CCDC178: variants seen among roughly 807,000 people sequenced by gnomAD.
The protein encoded by CCDC178 is coiled-coil domain-containing protein 178.
In CCDC178, 126 loss-of-function variants were observed where a neutral mutation model predicts 117.4. The ratio of observed to expected loss-of-function variants is 1.07; its 90% confidence interval spans 0.93 to 1.24. The LOEUF (loss-of-function observed/expected upper bound fraction) is 1.24. Ranked by LOEUF, CCDC178 falls within the 50% of genes most tolerant of loss-of-function variation. The pLI is 0.00. For missense variants in CCDC178, 1,030 were observed against 986.9 expected (o/e 1.04, Z -0.59); for synonymous variants, 283 against 313.4 (o/e 0.90, Z 1.02).
chr18:33,014,227 G>C (rs190300690), intron 21 of CCDC178, among the ~76,000 whole-genome samples: 1 of 152,244 alleles, frequency 6.6e-6, no homozygotes, highest in East Asian at 1.9e-4. Flanking sequence ...GTCACTATTT[G>C]ATCTGCCCAG....
intron 10 of CCDC178, chr18:33,328,082 GATTTTTTTTTTTTTTTTTTTTTTT>G (rs2062610758): frequency 3.5e-4 from 86 of 249,028 alleles, no homozygotes; most frequent in Middle Eastern, 1.4e-3. Flanking sequence ...TTTATCCCTA[GATTTTTTTTTTTTTTTTTTTTTTT>G]TTTTTTTTTT....
In CCDC178 at chr18:33,168,135, A is replaced by C. The variant is rs2058555663; in HGVS notation, c.2238+43761T>G. Among the ~76,000 whole-genome samples the C allele has an allele frequency of 2.0e-5, 3 of 152,078 alleles. No homozygotes were observed. In the South Asian group the frequency reaches 6.2e-4, roughly 31 times the overall value. ...TGTTTTTGTTGCGATTGCTTGTGGCATCTTTGTTATGACATCTTTGCCAGG... is the reference window on the plus strand; with the variant it reads ...TGTTTTTGTTGCGATTGCTTGTGGCCTCTTTGTTATGACATCTTTGCCAGG... On this transcript the variant is annotated intron_variant, in intron 20 of 22. Coordinates refer to ENST00000383096, the MANE Select transcript of CCDC178 (RefSeq NM_001105528.4).
rs191199332 is a variant in CCDC178, at chr18:33,365,455, C to T, written c.348+4595G>A. On this transcript the variant is annotated intron_variant, in intron 6 of 22. Transcript: ENST00000383096. ...TGGCTCTGCCACTGACATTAGATCT[C>T]GGGAGAAATCAGCCTCTGAAATCAT... 3.2e-4 allele frequency among the ~76,000 whole-genome samples: 48 copies of T among 152,046 alleles called. 1 individual carries two copies. The East Asian group carries it at 6.0e-3, about 19-fold the overall frequency.
At chr18:33,261,666 C>A (rs2059752607) in intron 14 of CCDC178, among the ~76,000 whole-genome samples, 1 of 152,228 alleles carries the variant, frequency 6.6e-6, no homozygotes, top group African/African-American at 2.4e-5. Flanking sequence ...ATCTTTTTCA[C>A]ATTTAAATAT....
At chr18:33,273,487 A>AAGAG (rs1319255428) in intron 12 of CCDC178, among the ~76,000 whole-genome samples, 4 of 151,688 alleles carry the variant, frequency 2.6e-5, no homozygotes, top group African/African-American at 9.7e-5. Context: ...TCCAGTAATC[A>AAGAG]AGACATTGTA....
intron 10 of CCDC178, among the ~76,000 whole-genome samples, chr18:33,326,274 G>C (rs2062583050): frequency 6.6e-6 from 1 of 152,156 alleles, no homozygotes; most frequent in South Asian, 2.1e-4. Flanking sequence ...AGTACAGGGG[G>C]TGTCCCTACT....
chr18:32,946,723 G>GTT (rs34352899), intron 22 of CCDC178, among the ~76,000 whole-genome samples: 6,734 of 136,974 alleles, frequency 0.049, 209 homozygotes, highest in Middle Eastern at 0.08. Context: ...GGTTTTTTGG[G>GTT]TTTTTTTTTT....
intron 21 of CCDC178, among the ~76,000 whole-genome samples, chr18:33,089,515 G>A (rs1189176549): frequency 6.6e-6 from 1 of 152,156 alleles, no homozygotes; most frequent in Non-Finnish European, 1.5e-5. Flanking sequence ...CGTGTTGGCT[G>A]ACTCTGTAAT....
chr18:32,976,304 C>T (rs1333116395), intron 21 of CCDC178, among the ~76,000 whole-genome samples: 1 of 151,992 alleles, frequency 6.6e-6, no homozygotes, highest in East Asian at 1.9e-4. Context: ...CTCATTAAGA[C>T]ATTTGAAAAG....
chr18:33,341,590 T>C lies in CCDC178; in HGVS notation c.658+4621A>G, dbSNP rs1192248055. 4.6e-5 allele frequency among the ~76,000 whole-genome samples: 7 copies of C among 152,282 alleles called. No individual in the cohort carries two copies. The East Asian group carries it at 1.4e-3, about 29-fold the overall frequency. Reference sequence around the variant, plus strand: ...CCCAAGGGGAGGTAATTTAATCACATGGTCCAGTCTTTCTCATGTTATTCT... The same window carrying C: ...CCCAAGGGGAGGTAATTTAATCACACGGTCCAGTCTTTCTCATGTTATTCT... On this transcript the variant is annotated intron_variant, in intron 9 of 22. Transcript: ENST00000383096.
intron 5 of CCDC178, among the ~76,000 whole-genome samples, chr18:33,375,169 T>C (rs1480255521): frequency 6.6e-6 from 1 of 152,198 alleles, no homozygotes; most frequent in African/African-American, 2.4e-5. Context: ...GTGGCAGAAC[T>C]CAATAACCTT....
chr18:33,191,505 A>T (rs573720322), intron 20 of CCDC178, among the ~76,000 whole-genome samples: 2 of 152,252 alleles, frequency 1.3e-5, no homozygotes, highest in Non-Finnish European at 1.5e-5. Flanking sequence ...AGAGCAGGCT[A>T]TGTAAGTATT....
intron 22 of CCDC178, chr18:32,938,429 A>C (rs531833211): frequency 5.5e-6 from 1 of 182,006 alleles, no homozygotes; most frequent in East Asian, 1.4e-4. Context: ...GAGAAAGTGA[A>C]ATTTTGGTTA....
At chr18:33,144,932 G>A (rs549244062) in intron 20 of CCDC178, among the ~76,000 whole-genome samples, 13 of 152,098 alleles carry the variant, frequency 8.5e-5, no homozygotes, top group South Asian at 6.2e-4. Context: ...AATTTCTTTC[G>A]AAGGCTATTA....
intron 9 of CCDC178, among the ~76,000 whole-genome samples, chr18:33,335,168 G>C (rs560536188): frequency 4.5e-4 from 68 of 151,608 alleles, no homozygotes; most frequent in Non-Finnish European, 9.5e-4. Flanking sequence ...TTCTTTCTTT[G>C]TATTTATTTT....
intron 7 of CCDC178, among the ~76,000 whole-genome samples, chr18:33,350,546 CT>C (rs2144693808): frequency 6.6e-6 from 1 of 152,210 alleles, no homozygotes; most frequent in African/African-American, 2.4e-5. Context: ...CCTTTCGTGA[CT>C]TTTTAACTTA....
intron 20 of CCDC178, among the ~76,000 whole-genome samples, chr18:33,194,890 T>C (rs1186326385): frequency 5.4e-5 from 7 of 128,750 alleles, no homozygotes; most frequent in African/African-American, 2.1e-4. Context: ...ACAATGAGAC[T>C]CTGTTTCTAC....
intron 15 of CCDC178, among the ~76,000 whole-genome samples, chr18:33,244,068 A>T (rs540539079): frequency 6.6e-6 from 1 of 152,004 alleles, no homozygotes; most frequent in Non-Finnish European, 1.5e-5. Context: ...CCATTAGGAG[A>T]GACATAGGTC....
intron 5 of CCDC178, among the ~76,000 whole-genome samples, chr18:33,384,021 G>T (rs1329774457): frequency 4.6e-5 from 7 of 152,064 alleles, no homozygotes; most frequent in Non-Finnish European, 7.3e-5. Flanking sequence ...GAATATAAAT[G>T]ACCTGATGGA....
Sources: allele counts gnomAD v4.1 joint callset (sites outside exome capture counted in the v4.1 genomes callset), GRCh38; gene constraint gnomAD v4.1.1; transcripts MANE v1.5; gene names NCBI Gene and HGNC (gene_info 2026-07-23, HGNC 2026-07-21).